The following LONP2 variants were observed in gnomAD, a reference collection of about 807,000 sequenced individuals.
LONP2 encodes lon peptidase 2, peroxisomal.
Under a neutral mutation model 85.6 loss-of-function variants are expected in LONP2, and 60 were observed. The observed-to-expected ratio is 0.70, with a 90% CI of 0.57 to 0.87. LONP2 has a LOEUF of 0.87. LONP2 is among the 40% of genes least tolerant of loss of function. LONP2 has a pLI of 0.00. For synonymous variants in LONP2, 395 were observed against 389.7 expected (o/e 1.01, Z -0.16); for missense variants, 860 against 1,063.5 (o/e 0.81, Z 2.66).
Position 48,286,142 on chromosome 16 carries a change from C to A in LONP2, c.1383+8663C>A, listed in dbSNP as rs192567798. 2.7e-4 allele frequency among the ~76,000 whole-genome samples: 37 copies of A among 137,390 alleles called. No individual in the cohort carries two copies. In the East Asian group the frequency reaches 7.4e-3, roughly 27 times the overall value. 90.1% of individuals were successfully genotyped at this position (137,390 alleles called of 152,430 possible). On this transcript the variant is annotated intron_variant, in intron 8 of 14. Coordinates refer to ENST00000285737, the MANE Select transcript of LONP2 (RefSeq NM_031490.5). Reference sequence around the variant, plus strand: ...ATATTTATAGTAGCTGATTTGTAATCTTTTTTTTTTTTTTTTTGAGACGGA... The same window carrying A: ...ATATTTATAGTAGCTGATTTGTAATATTTTTTTTTTTTTTTTTGAGACGGA...
intron 1 of LONP2, among the ~76,000 whole-genome samples, chr16:48,250,059 G>A (rs754856059): frequency 3.8e-4 from 58 of 152,062 alleles, no homozygotes; most frequent in Non-Finnish European, 7.8e-4. Flanking sequence ...GGGCGTGGTG[G>A]TGTGTGCCTG....
At chr16:48,270,851 G>A (rs894106519) in intron 7 of LONP2, among the ~76,000 whole-genome samples, 26 of 152,236 alleles carry the variant, frequency 1.7e-4, no homozygotes, top group African/African-American at 6.3e-4. Context: ...CTCTAGGCTG[G>A]GCACAGTGGC....
intron 11 of LONP2, among the ~76,000 whole-genome samples, chr16:48,331,086 C>T (rs190711142): frequency 6.6e-6 from 1 of 152,346 alleles, no homozygotes; most frequent in East Asian, 1.9e-4. Flanking sequence ...GCACCACAGA[C>T]TAGAGAAACT....
intron 11 of LONP2, among the ~76,000 whole-genome samples, chr16:48,319,990 A>G (rs1973227542): frequency 6.6e-6 from 1 of 151,902 alleles, no homozygotes; most frequent in Admixed American, 6.6e-5. Context: ...GTGAAACCCC[A>G]TCTCTACTGA....
At chr16:48,302,975 T>C (rs1310682109) in intron 10 of LONP2, among the ~76,000 whole-genome samples, 197 bp from the exon 11 acceptor site, 2 of 152,126 alleles carry the variant, frequency 1.3e-5, no homozygotes, top group Non-Finnish European at 2.9e-5. Context: ...ATAAAGGAAA[T>C]TGTTGTAGCT....
At chr16:48,312,041 A>T (rs936325122) in intron 11 of LONP2, among the ~76,000 whole-genome samples, 1 of 151,960 alleles carries the variant, frequency 6.6e-6, no homozygotes, top group Non-Finnish European at 1.5e-5. Flanking sequence ...CCTGGGTTCA[A>T]GTGATTCTTG....
At chr16:48,281,703 G>A (rs57815195) in intron 8 of LONP2, among the ~76,000 whole-genome samples, 2,144 of 152,140 alleles carry the variant, frequency 0.014, 48 homozygotes, top group African/African-American at 0.048. Context: ...TTTACAGTTC[G>A]AAAAACATAT....
chr16:48,261,684 A>G lies in LONP2; in HGVS notation c.887+97A>G, dbSNP rs1180522522. ...CTCTTTTCTCCAATACTGAGGATAC[A>G]TAATACAAATCTTCCACCTGCAGTG... On this transcript the variant is annotated intron_variant, in intron 5 of 14. Transcript: ENST00000285737. 1.2e-5 allele frequency: 11 copies of G among 910,410 alleles called. No homozygotes were observed. In the African/African-American group the frequency reaches 1.7e-4, roughly 14 times the overall value. 56.4% of individuals were successfully genotyped at this position (910,410 alleles called of 1,614,324 possible).
rs774941262 is a variant in LONP2 at position 48,252,301 on chromosome 16, A to T, written c.404A>T (p.Asn135Ile). Residue 135 changes from asparagine to isoleucine, a missense_variant, in exon 2 of 15, where the codon AAC (asparagine) becomes ATC (isoleucine). Asn to Ile is a moderately radical substitution (Grantham distance 149, BLOSUM62 -3). Transcript: ENST00000285737. ...EQLDRLEEFP[N>I]TCKMREELGE... ...TTGGACCGACTTGAGGAGTTTCCCA[A>T]CACCTGTAAAATGAGGGAGGAGCTA... 5.6e-6 allele frequency: 9 copies of T among 1,614,028 alleles called. No individual in the cohort carries two copies. The highest frequency in any genetic ancestry group is 5.0e-5 in the Admixed American group (3 of 60,018).
At position 48,256,659 on chromosome 16, in the gene LONP2, G is replaced by T; in HGVS notation, c.518G>T (p.Arg173Leu). Reference protein sequence around the residue: ...MSVPAVAKLRRLLDSLPREAL... With the variant: ...MSVPAVAKLRLLLDSLPREAL... ...GTCCCTGCAGTTGCTAAATTGAGACGTCTTTTAGATAGTCTTCCAAGGGAA... is the reference window on the plus strand; with the variant it reads ...GTCCCTGCAGTTGCTAAATTGAGACTTCTTTTAGATAGTCTTCCAAGGGAA... Residue 173 changes from arginine to leucine, a missense_variant, in exon 3 of 15, where the codon CGT becomes CTT. Physicochemically the swap from Arg to Leu is moderately radical, Grantham distance 102. Coordinates refer to ENST00000285737, the MANE Select transcript of LONP2 (RefSeq NM_031490.5). The T allele has an allele frequency of 6.2e-7, 1 of 1,613,606 alleles. No individual in the cohort carries two copies. Among genetic ancestry groups the T allele is most frequent in the Non-Finnish European group, 8.5e-7 (1 of 1,179,650 alleles).
In LONP2 at chr16:48,324,664, C is replaced by T. The variant is rs569447851; in HGVS notation, c.1796-9552C>T. Among the ~76,000 whole-genome samples, 32 of 152,186 alleles carry T rather than the reference C, an allele frequency of 2.1e-4. No individual in the cohort carries two copies. In the East Asian group the frequency reaches 3.5e-3, roughly 17 times the overall value. ...TGATAAAATTTAAGAATTACATAGCCGAAATTTGGTCTAATTCAACAAACC... is the reference window on the plus strand; with the variant it reads ...TGATAAAATTTAAGAATTACATAGCTGAAATTTGGTCTAATTCAACAAACC... On this transcript the variant is annotated intron_variant, in intron 11 of 14. Transcript: ENST00000285737.
chr16:48,275,361 G>T (rs1036376877), intron 7 of LONP2, among the ~76,000 whole-genome samples: 4 of 152,140 alleles, frequency 2.6e-5, no homozygotes, highest in African/African-American at 9.7e-5. Context: ...TGGCACGGTG[G>T]ATCTGGTGGG....
At position 48,353,618 on chromosome 16, in the gene LONP2, T is replaced by G. The variant is rs201565549; in HGVS notation, c.*1816T>G. 6.6e-6 allele frequency: 1 copy of G among 152,040 alleles called. No individual in the cohort carries two copies. Among genetic ancestry groups the G allele is most frequent in the Non-Finnish European group, 1.5e-5 (1 of 68,020 alleles). 9.4% of individuals were successfully genotyped at this position (152,040 alleles called of 1,614,324 possible). ...CCAGACCTAGGACTAGTTATGGCAG[T>G]TGGAGAGAAAGAACATCGGGATGTT... On this transcript the variant is annotated 3_prime_UTR_variant, in exon 15 of 15. Coordinates refer to ENST00000285737, the MANE Select transcript of LONP2 (RefSeq NM_031490.5).
intron 2 of LONP2, among the ~76,000 whole-genome samples, chr16:48,253,315 C>G (rs1448194109): frequency 6.6e-6 from 1 of 151,428 alleles, no homozygotes; most frequent in African/African-American, 2.4e-5. Flanking sequence ...ACAAAATGTA[C>G]AAAAATTAGC....
chr16:48,346,701 G>A (rs935467140), intron 12 of LONP2, among the ~76,000 whole-genome samples: 18 of 152,132 alleles, frequency 1.2e-4, no homozygotes, highest in African/African-American at 3.1e-4. Flanking sequence ...CGATCCTGTC[G>A]TCTCAGCCTC....
chr16:48,262,944 A>T, intron 6 of LONP2, 72 bp downstream of exon 6: 1 of 944,112 alleles, frequency 1.1e-6, no homozygotes, highest in South Asian at 1.5e-5. Context: ...TTTCATTTCA[A>T]ATTTACTCCA....
Position 48,277,323 on chromosome 16 carries a change from A to G in LONP2, c.1242-15A>G, listed in dbSNP as rs1275009652. The G allele has an allele frequency of 1.2e-6, 2 of 1,610,594 alleles. No homozygotes were observed. Among genetic ancestry groups the G allele is most frequent in the Middle Eastern group, 1.7e-4 (1 of 5,914 alleles). Reference sequence around the variant, plus strand: ...TGACATCTCACACTGTGAATGTGCTACTTGCTTTCTCTAGGCGCACCTATG... The same window carrying G: ...TGACATCTCACACTGTGAATGTGCTGCTTGCTTTCTCTAGGCGCACCTATG... On this transcript the variant is annotated splice_polypyrimidine_tract_variant and intron_variant, in intron 7 of 14. Transcript: ENST00000285737.
rs140425509 is a variant in LONP2, at chr16:48,299,724, C to T, written c.1597C>T (p.Gln533Ter). The change falls in exon 10 of 15, where the codon CAA becomes TAA. Residue 533 changes from glutamine (Q) to a stop codon, truncating the protein, a stop_gained. Coordinates refer to ENST00000285737, the MANE Select transcript of LONP2 (RefSeq NM_031490.5). LOFTEE classifies it high-confidence loss of function. Reference sequence around the variant, plus strand: ...GCACTTGATCCCCAAGCAGCTGGAACAACATGGGCTGACTCCACAGCAGAT... The same window carrying T: ...GCACTTGATCCCCAAGCAGCTGGAATAACATGGGCTGACTCCACAGCAGAT... ...HRHLIPKQLE[Q>*]HGLTPQQIQI... The T allele has an allele frequency of 5.7e-4, 927 of 1,614,068 alleles. No homozygotes were observed. The highest frequency in any genetic ancestry group is 7.4e-4 in the Non-Finnish European group (879 of 1,179,952).
Position 48,247,946 on chromosome 16 carries a change from T to C in LONP2, c.233+3325T>C, listed in dbSNP as rs77744771. Among the ~76,000 whole-genome samples the C allele has an allele frequency of 8.8e-3, 1,346 of 152,208 alleles. 22 individuals carry two copies. Among genetic ancestry groups the C allele is most frequent in the African/African-American group, 0.03 (1,266 of 41,524 alleles). On this transcript the variant is annotated intron_variant, in intron 1 of 14. Coordinates refer to ENST00000285737, the MANE Select transcript of LONP2 (RefSeq NM_031490.5). ...ATGCCTGGCCTATGTTTATAATTCT[T>C]GTAGGTAGAAGTGGTACCTATTGTC... is the stretch of plus-strand genomic sequence containing the variant.
Sources: allele counts gnomAD v4.1 joint callset (sites outside exome capture counted in the v4.1 genomes callset), GRCh38; gene constraint gnomAD v4.1.1; transcripts MANE v1.5; gene names NCBI Gene and HGNC (gene_info 2026-07-23, HGNC 2026-07-21).